Variants in MTERF3 observed in about 807,000 individuals in gnomAD.
MTERF3 encodes mitochondrial transcription termination factor 3, also known as transcription termination factor 3, mitochondrial.
MTERF3 carries 40 observed loss-of-function variants against 40.5 expected under a neutral mutation model. The ratio of observed to expected loss-of-function variants is 0.99; its 90% CI spans 0.77 to 1.29. The LOEUF (loss-of-function observed/expected upper bound fraction) is 1.29, where lower values mean the gene tolerates loss of function less well. Among genes scored for constraint, MTERF3 ranks in the 50% most tolerant of loss-of-function variants. MTERF3 has a pLI of 0.00. For synonymous variants in MTERF3, 158 were observed against 166.6 expected (o/e 0.95, Z 0.40); for missense variants, 452 against 478.2 (o/e 0.95, Z 0.51).
At chr8:96,255,405 G>A (rs553708218) in intron 3 of MTERF3, among the ~76,000 whole-genome samples, 3 of 152,126 alleles carry the variant, frequency 2.0e-5, no homozygotes, top group South Asian at 2.1e-4. Flanking sequence ...TTGGGAGGCC[G>A]AGGTGGACAG....
intron 4 of MTERF3, among the ~76,000 whole-genome samples, chr8:96,248,590 A>G (rs1249825512): frequency 1.3e-5 from 2 of 152,194 alleles, no homozygotes; most frequent in South Asian, 4.1e-4. Flanking sequence ...CAAGGGACAA[A>G]GTAGGAGAAA....
chr8:96,251,505 C>A (rs7814892), intron 3 of MTERF3, among the ~76,000 whole-genome samples: 1 of 152,006 alleles, frequency 6.6e-6, no homozygotes, highest in Non-Finnish European at 1.5e-5. Context: ...TTTATTTTTC[C>A]TTAGTTATAA....
At chr8:96,247,275 C>T (rs1001131780) in intron 4 of MTERF3, among the ~76,000 whole-genome samples, 13 of 152,060 alleles carry the variant, frequency 8.5e-5, no homozygotes, top group African/African-American at 3.1e-4. Context: ...CTGGCCTGAG[C>T]ATGTATTTTT....
At chr8:96,260,967 A>G (rs1006371479) in intron 1 of MTERF3, among the ~76,000 whole-genome samples, 1 of 152,214 alleles carries the variant, frequency 6.6e-6, no homozygotes, top group Non-Finnish European at 1.5e-5. Context: ...GGATGTGCAG[A>G]TGTGTATAAA....
intron 1 of MTERF3, among the ~76,000 whole-genome samples, chr8:96,259,127 G>A (rs967840476): frequency 6.6e-6 from 1 of 152,188 alleles, no homozygotes; most frequent in African/African-American, 2.4e-5. Context: ...GCACATTGCT[G>A]ATCAAAGTAA....
intron 1 of MTERF3, among the ~76,000 whole-genome samples, chr8:96,260,858 C>T (rs1810371101): frequency 6.6e-6 from 1 of 152,208 alleles, no homozygotes; most frequent in Non-Finnish European, 1.5e-5. Context: ...TCTCCACTTT[C>T]CCAGAGCCTT....
chr8:96,244,258 G>A (rs932447912), intron 6 of MTERF3, among the ~76,000 whole-genome samples, 178 bp from the exon 7 acceptor site: 2 of 151,638 alleles, frequency 1.3e-5, no homozygotes, highest in Non-Finnish European at 2.9e-5. Flanking sequence ...ACAGAGGAAT[G>A]CCACCACACC....
In MTERF3 at chr8:96,258,437, C is replaced by T; in HGVS notation, c.254G>A (p.Ser85Asn). Reference protein sequence around the residue: ...SSSQENNSAQSSLLPSMNEQS... With the variant: ...SSSQENNSAQNSLLPSMNEQS... Reference sequence around the variant, plus strand: ...TTCATTCATGGAAGGAAGCAGACTGCTTTGGGCAGAATTATTCTCCTGACT... The same window carrying T: ...TTCATTCATGGAAGGAAGCAGACTGTTTTGGGCAGAATTATTCTCCTGACT... Residue 85 changes from serine (S) to asparagine (N), a missense_variant, in exon 2 of 8, where the codon AGC (serine) becomes AAC (asparagine). Physicochemically the swap from Ser to Asn is conservative, Grantham distance 46 (BLOSUM62 1). Coordinates refer to ENST00000287025, the MANE Select transcript of MTERF3 (RefSeq NM_015942.5). 2 of 1,614,114 alleles carry T rather than the reference C, an allele frequency of 1.2e-6. No individual in the cohort carries two copies. The highest frequency in any genetic ancestry group is 1.7e-6 in the Non-Finnish European group (2 of 1,179,986).
At chr8:96,246,594 T>G in intron 4 of MTERF3, 140 bp from the exon 5 acceptor site, 1 of 676,628 alleles carries the variant, frequency 1.5e-6, no homozygotes, top group Non-Finnish European at 2.2e-6. Flanking sequence ...AATAAAAGCA[T>G]TCTGTAACAA....
intron 1 of MTERF3, among the ~76,000 whole-genome samples, chr8:96,260,462 T>A (rs1379659385): frequency 2.4e-5 from 1 of 42,126 alleles, no homozygotes. Context: ...GGGGTGGGGG[T>A]GGGGTCAATA....
rs145305126 is a variant in MTERF3 at position 96,257,010 on chromosome 8, G to C, written c.439C>G (p.Arg147Gly). The change falls in exon 3 of 8, where the codon CGA becomes GGA. Residue 147 changes from arginine (R) to glycine (G), a missense_variant. Coordinates refer to ENST00000287025, the MANE Select transcript of MTERF3 (RefSeq NM_015942.5). ...PPLPPASFTL[R>G]DYVDHSETLQ... is the part of the protein sequence containing the mutation. Reference sequence around the variant, plus strand: ...GTCTCAGAATGATCCACATAGTCTCGAAGTGTGAATGAAGCTGGTGGCAAT... The same window carrying C: ...GTCTCAGAATGATCCACATAGTCTCCAAGTGTGAATGAAGCTGGTGGCAAT... The C allele has an allele frequency of 1.6e-3, 2,591 of 1,613,972 alleles. 17 individuals carry two copies. The highest frequency in any genetic ancestry group is 0.015 in the African/African-American group (1,111 of 75,044).
chr8:96,257,512 A>G (rs1454743362), intron 2 of MTERF3, among the ~76,000 whole-genome samples: 1 of 152,190 alleles, frequency 6.6e-6, no homozygotes, highest in Non-Finnish European at 1.5e-5. Flanking sequence ...TCATATCCCG[A>G]AAGTCTTTGT....
chr8:96,259,810 C>G (rs1362045341), intron 1 of MTERF3, among the ~76,000 whole-genome samples: 2 of 152,128 alleles, frequency 1.3e-5, no homozygotes, highest in Admixed American at 1.3e-4. Context: ...AGGGTCTAAT[C>G]TTTTCTTGGA....
chr8:96,240,515 G>T (rs1442609209), intron 7 of MTERF3, among the ~76,000 whole-genome samples: 6 of 152,116 alleles, frequency 3.9e-5, no homozygotes, highest in Admixed American at 3.9e-4. Context: ...TGACCTCTGG[G>T]AGAGCAACTA....
intron 2 of MTERF3, 183 bp from the exon 3 acceptor site, chr8:96,257,297 T>A: frequency 2.2e-6 from 1 of 462,330 alleles, no homozygotes; most frequent in Middle Eastern, 5.8e-4. Flanking sequence ...TTAGACAGAC[T>A]AACTACTGTT....
intron 7 of MTERF3, among the ~76,000 whole-genome samples, chr8:96,240,634 G>GA (rs1255450946): frequency 2.0e-5 from 3 of 152,152 alleles, no homozygotes; most frequent in African/African-American, 7.2e-5. Context: ...GCCAGCTACA[G>GA]AAAGAAGAGA....
intron 3 of MTERF3, among the ~76,000 whole-genome samples, chr8:96,255,907 G>GATCAGT (rs1271175898): frequency 6.6e-6 from 1 of 152,044 alleles, no homozygotes; most frequent in African/African-American, 2.4e-5. Flanking sequence ...AGTGGTAAGT[G>GATCAGT]ATCAGTACCA....
At chr8:96,253,414 T>C (rs1349082827) in intron 3 of MTERF3, among the ~76,000 whole-genome samples, 1 of 152,132 alleles carries the variant, frequency 6.6e-6, no homozygotes, top group Non-Finnish European at 1.5e-5. Flanking sequence ...TTCTACCTTC[T>C]GTCCTGTAGG....
chr8:96,241,592 A>G (rs902914338), intron 7 of MTERF3, among the ~76,000 whole-genome samples: 29 of 152,174 alleles, frequency 1.9e-4, no homozygotes, highest in African/African-American at 6.8e-4. Context: ...AAGTTACTCC[A>G]TCATTAGAGA....
Sources: allele counts gnomAD v4.1 joint callset (sites outside exome capture counted in the v4.1 genomes callset), GRCh38; gene constraint gnomAD v4.1.1; transcripts MANE v1.5; gene names NCBI Gene and HGNC (gene_info 2026-07-23, HGNC 2026-07-21).